Variants in ZNF618 observed in about 807,000 individuals in gnomAD.
ZNF618 encodes zinc finger protein 618.
In ZNF618, 34 loss-of-function variants were observed where a neutral mutation model predicts 103.0. The observed-to-expected ratio is 0.33, with a 90% confidence interval of 0.25 to 0.44. The LOEUF is 0.44. ZNF618 is among the 20% of genes least tolerant of loss of function. The pLI is 1.00. For synonymous variants in ZNF618, 551 were observed against 542.2 expected, an observed-to-expected ratio of 1.02 and a Z score of -0.23; for missense variants, 1,059 against 1,295.4, an observed-to-expected ratio of 0.82 and a Z score of 2.80.
At chr9:113,906,101 T>C (rs1334492891) in intron 1 of ZNF618, among the ~76,000 whole-genome samples, 2 of 152,198 alleles carry the variant, frequency 1.3e-5, no homozygotes, top group Admixed American at 1.3e-4. Flanking sequence ...GTGCTTCTTG[T>C]ATCAGTATTA....
intron 1 of ZNF618, among the ~76,000 whole-genome samples, chr9:113,896,847 T>C (rs1830077115): frequency 2.0e-5 from 3 of 152,136 alleles, no homozygotes; most frequent in Admixed American, 2.0e-4. Context: ...GTACCCTTAA[T>C]CTGTAAAAAT....
At chr9:113,911,812 A>T (rs1588018225) in intron 1 of ZNF618, among the ~76,000 whole-genome samples, 1 of 151,670 alleles carries the variant, frequency 6.6e-6, no homozygotes. Flanking sequence ...GTTTTGGGGG[A>T]TGTTTTGCTA....
chr9:113,997,605 G>A (rs1241546242), intron 3 of ZNF618, among the ~76,000 whole-genome samples: 1 of 152,216 alleles, frequency 6.6e-6, no homozygotes, highest in Non-Finnish European at 1.5e-5. Flanking sequence ...AGGACCCCGA[G>A]CCCACTAACT....
At chr9:113,968,026 C>G (rs781693471) in intron 1 of ZNF618, among the ~76,000 whole-genome samples, 3 of 152,182 alleles carry the variant, frequency 2.0e-5, no homozygotes, top group Non-Finnish European at 4.4e-5. Flanking sequence ...AAGCACTCAT[C>G]AAAAGGTGTT....
At chr9:113,893,208 T>C (rs999919350) in intron 1 of ZNF618, among the ~76,000 whole-genome samples, 1 of 152,160 alleles carries the variant, frequency 6.6e-6, no homozygotes, top group African/African-American at 2.4e-5. Context: ...AGAGCAGAGA[T>C]TGGAGCCTGA....
chr9:113,998,390 GC>G (rs1366044389), intron 4 of ZNF618, 36 bp downstream of exon 4: 1 of 1,527,994 alleles, frequency 6.5e-7, no homozygotes, highest in Non-Finnish European at 8.9e-7. Flanking sequence ...CTGATCCGGG[GC>G]CAGTATGGGT....
intron 1 of ZNF618, among the ~76,000 whole-genome samples, chr9:113,904,000 T>C (rs769555105): frequency 1.1e-3 from 170 of 149,022 alleles, no homozygotes; most frequent in Non-Finnish European, 1.6e-3. Context: ...TCTCCCCTTC[T>C]TCACCCCTCC....
At chr9:113,899,502 G>A (rs1165168812) in intron 1 of ZNF618, among the ~76,000 whole-genome samples, 11 of 152,194 alleles carry the variant, frequency 7.2e-5, no homozygotes, top group Non-Finnish European at 1.0e-4. Context: ...TCATAGGAGC[G>A]CGAACCCTAT....
chr9:113,923,238 AT>A (rs569227434), intron 1 of ZNF618, among the ~76,000 whole-genome samples: 7 of 152,020 alleles, frequency 4.6e-5, no homozygotes, highest in Admixed American at 3.9e-4. Flanking sequence ...GAATAAAGAA[AT>A]TTTTTTTGTT....
At chr9:114,027,001 C>T (rs1239872035) in intron 10 of ZNF618, among the ~76,000 whole-genome samples, 1 of 152,122 alleles carries the variant, frequency 6.6e-6, no homozygotes, top group Non-Finnish European at 1.5e-5. Context: ...AGTGAATAAC[C>T]AGCTGTGGTC....
In ZNF618 at chr9:114,049,391, G is replaced by C; in HGVS notation, c.2089G>C (p.Val697Leu). The change falls in exon 15 of 15, where the codon GTG becomes CTG. Residue 697 changes from valine to leucine, a missense_variant. Around this residue, in one of 6 missense-constraint regions of ZNF618, gnomAD observed 272 missense variants for 380.1 expected, o/e 0.72. Transcript: ENST00000374126. ...GTCTCCACCACCCTGCTGGAACTCGGTGACGGACTCACTGTTGCTGGTGCA... is the reference window on the plus strand; with the variant it reads ...GTCTCCACCACCCTGCTGGAACTCGCTGACGGACTCACTGTTGCTGGTGCA... ...ETSPPPCWNSVTDSLLLVHER... is the reference protein window; with the variant it reads ...ETSPPPCWNSLTDSLLLVHER... The C allele has an allele frequency of 6.2e-7, 1 of 1,604,292 alleles. No homozygotes were observed. Among genetic ancestry groups the C allele is most frequent in the Non-Finnish European group, 8.5e-7 (1 of 1,175,706 alleles).
At chr9:114,007,556 T>A in intron 7 of ZNF618, 117 bp downstream of exon 7, 4 of 925,310 alleles carry the variant, frequency 4.3e-6, no homozygotes, top group Non-Finnish European at 6.5e-6. Flanking sequence ...GGCCAGGCAG[T>A]AGCTGGAACC....
intron 3 of ZNF618, among the ~76,000 whole-genome samples, chr9:113,994,528 A>G (rs557176106): frequency 6.6e-6 from 1 of 152,352 alleles, no homozygotes; most frequent in East Asian, 1.9e-4. Flanking sequence ...TCAAGAGCCC[A>G]GGGTTTACCC....
In ZNF618 at chr9:114,028,986, A is replaced by T. The variant is rs928231492; in HGVS notation, c.1084+14A>T. 4.9e-5 allele frequency: 75 copies of T among 1,546,338 alleles called. No individual in the cohort carries two copies. The highest frequency in any genetic ancestry group is 6.4e-5 in the Non-Finnish European group (73 of 1,144,836). On this transcript the variant is annotated intron_variant, in intron 11 of 14. Coordinates refer to ENST00000374126, the MANE Select transcript of ZNF618 (RefSeq NM_001318042.2). ...AGGCAACCGCAGGTACCAATGGCCT[A>T]TGTGACCCCCACACTTTCTCCCCCA...
chr9:113,926,238 T>C (rs189490514), intron 1 of ZNF618, among the ~76,000 whole-genome samples: 1 of 152,000 alleles, frequency 6.6e-6, no homozygotes, highest in Non-Finnish European at 1.5e-5. Context: ...AATGTAATTC[T>C]TATCCTTATT....
chr9:113,956,148 G>T (rs916760431), intron 1 of ZNF618, among the ~76,000 whole-genome samples: 1 of 136,658 alleles, frequency 7.3e-6, no homozygotes, highest in Admixed American at 8.0e-5. Flanking sequence ...GGCAGAGGTT[G>T]CAGTGAGCCA....
intron 11 of ZNF618, among the ~76,000 whole-genome samples, chr9:114,031,083 A>G (rs934118739): frequency 1.3e-5 from 2 of 152,046 alleles, no homozygotes; most frequent in African/African-American, 4.8e-5. Context: ...TAACTTGACA[A>G]TCTCACTCTT....
chr9:113,901,154 C>T (rs1454069087), intron 1 of ZNF618, among the ~76,000 whole-genome samples: 2 of 152,182 alleles, frequency 1.3e-5, no homozygotes, highest in East Asian at 3.9e-4. Flanking sequence ...CGAACCCGAG[C>T]TCCTGTCTCC....
intron 1 of ZNF618, among the ~76,000 whole-genome samples, chr9:113,939,274 T>A (rs1052168627): frequency 6.6e-6 from 1 of 151,986 alleles, no homozygotes; most frequent in African/African-American, 2.4e-5. Flanking sequence ...GATCAGTGGT[T>A]TTTTTGTTTG....
Sources: allele counts gnomAD v4.1 joint callset (sites outside exome capture counted in the v4.1 genomes callset), GRCh38; gene constraint gnomAD v4.1.1; regional missense constraint gnomAD v4.1.1; transcripts MANE v1.5; gene names NCBI Gene and HGNC (gene_info 2026-07-23, HGNC 2026-07-21).